NFRKB: variants seen among roughly 807,000 people sequenced by gnomAD.
The protein encoded by NFRKB is nuclear factor related to kappaB binding protein.
NFRKB carries 62 observed loss-of-function variants against 135.7 expected under a neutral mutation model. That is an observed-to-expected ratio of 0.46 (90% CI 0.37 to 0.56). NFRKB has a LOEUF of 0.56. NFRKB is among the 20% of genes least tolerant of loss of function. The pLI, the probability that NFRKB is intolerant of heterozygous loss-of-function variation, is 0.00. For missense variants in NFRKB, 1,545 were observed against 1,662.0 expected (o/e 0.93, Z 1.22); for synonymous variants, 678 against 635.6 (o/e 1.07, Z -1.00).
At position 129,876,900 on chromosome 11, in the gene NFRKB, C is replaced by A. The variant is rs1252387306; in HGVS notation, c.1573-5G>T. Reference sequence around the variant, plus strand: ...TTGGCTATACCTGTAACGCTCCTACCAAGAGACAAGGGACAAGAGTTCTAG... The same window carrying A: ...TTGGCTATACCTGTAACGCTCCTACAAAGAGACAAGGGACAAGAGTTCTAG... On this transcript the variant is annotated splice_polypyrimidine_tract_variant and splice_region_variant and intron_variant, in intron 16 of 26. Coordinates refer to ENST00000682444, the MANE Select transcript of NFRKB (RefSeq NM_001143835.2). 2 of 1,612,518 alleles carry A rather than the reference C, an allele frequency of 1.2e-6. No individual in the cohort carries two copies. Among genetic ancestry groups the A allele is most frequent in the Non-Finnish European group, 8.5e-7 (1 of 1,179,244 alleles).
intron 15 of NFRKB, 54 bp from the exon 16 acceptor site, chr11:129,877,439 C>G: frequency 6.7e-7 from 1 of 1,491,464 alleles, no homozygotes; most frequent in Non-Finnish European, 9.4e-7. Flanking sequence ...TGTGTCAGAC[C>G]CATTGCCCCT....
rs781016529 is a variant in NFRKB, at chr11:129,876,739, C to T, written c.1729G>A (p.Val577Ile). ...SLLRSDRPAYVTILSLVRDAA... is the reference protein window; with the variant it reads ...SLLRSDRPAYITILSLVRDAA... ...CACCTACCAAGAGACAGAATGGTGACGTAGGCAGGCCGGTCGGAGCGCAGC... is the reference window on the plus strand; with the variant it reads ...CACCTACCAAGAGACAGAATGGTGATGTAGGCAGGCCGGTCGGAGCGCAGC... The change falls in exon 17 of 27, where the codon GTC becomes ATC. Residue 577 changes from valine (V) to isoleucine (I), a missense_variant. Around this residue, in one of 3 missense-constraint regions of NFRKB, gnomAD observed 114 missense variants for 211.0 expected, o/e 0.54. Transcript: ENST00000682444. 1.9e-6 allele frequency: 3 copies of T among 1,613,314 alleles called. No homozygotes were observed. The highest frequency in any genetic ancestry group is 1.1e-5 in the South Asian group (1 of 91,002).
intron 13 of NFRKB, 26 bp from the exon 14 acceptor site, chr11:129,878,569 AAAT>A: frequency 6.3e-7 from 1 of 1,580,504 alleles, no homozygotes; most frequent in Non-Finnish European, 8.7e-7. Flanking sequence ...AGAGATAAAA[AAAT>A]AAGAAGGTCT....
chr11:129,878,503 G>A lies in NFRKB; in HGVS notation c.1425C>T (p.Phe475=), dbSNP rs747217802. Residue 475 remains phenylalanine, a synonymous_variant, in exon 14 of 27, where the codon TTC becomes TTT. Transcript: ENST00000682444. ...QDNEKELAAL[F]QLWLETKDQA... ...GATCTTTGGTCTCTAGCCATAGCTG[G>A]AAGAGGGCAGCTAATTCCTTTTCAT... 1.9e-6 allele frequency: 3 copies of A among 1,614,066 alleles called. No individual in the cohort carries two copies. In the African/African-American group the frequency reaches 4.0e-5, roughly 22 times the overall value.
At chr11:129,894,675 CT>C (rs1949696936) in intron 1 of NFRKB, among the ~76,000 whole-genome samples, 2 of 152,190 alleles carry the variant, frequency 1.3e-5, no homozygotes, top group South Asian at 4.1e-4. Context: ...ACTGTGCCCC[CT>C]CATCACCCTT....
chr11:129,875,527 C>T (rs1948720946), intron 17 of NFRKB, 64 bp from the exon 18 acceptor site: 2 of 1,308,694 alleles, frequency 1.5e-6, no homozygotes, highest in Non-Finnish European at 2.1e-6. Context: ...GTACAATCTC[C>T]TGTACCTGCA....
At position 129,864,454 on chromosome 11, in the gene NFRKB, A is replaced by C. The variant is rs544071616; in HGVS notation, c.*271T>G. On this transcript the variant is annotated 3_prime_UTR_variant, in exon 27 of 27. Coordinates refer to ENST00000682444, the MANE Select transcript of NFRKB (RefSeq NM_001143835.2). Reference sequence around the variant, plus strand: ...TACTCTCAGAACTCTGGCTTGTTGGACGTAACTGGTAATTCCTGCAATTTC... The same window carrying C: ...TACTCTCAGAACTCTGGCTTGTTGGCCGTAACTGGTAATTCCTGCAATTTC... 4.6e-5 allele frequency: 18 copies of C among 392,314 alleles called. No homozygotes were observed. Among genetic ancestry groups the C allele is most frequent in the Non-Finnish European group, 8.5e-5 (18 of 211,188 alleles). 24.3% of individuals were successfully genotyped at this position (392,314 alleles called of 1,614,324 possible).
chr11:129,890,376 TAC>T (rs1949502507), intron 3 of NFRKB, among the ~76,000 whole-genome samples: 1 of 152,178 alleles, frequency 6.6e-6, no homozygotes, highest in African/African-American at 2.4e-5. Flanking sequence ...GTTTGCTGAC[TAC>T]ATGAGTAACA....
chr11:129,885,624 G>A lies in NFRKB; in HGVS notation c.466-15C>T. The A allele has an allele frequency of 1.3e-6, 2 of 1,596,576 alleles. No homozygotes were observed. The highest frequency in any genetic ancestry group is 1.7e-6 in the Non-Finnish European group (2 of 1,167,928). ...TCCAGCAGATCCTAGGTAGAGATCA[G>A]GTGGGGGTACAAGTCATCATCCAAG... is the stretch of plus-strand genomic sequence containing the variant. On this transcript the variant is annotated splice_polypyrimidine_tract_variant and intron_variant, in intron 5 of 26. Transcript: ENST00000682444.
In NFRKB at chr11:129,869,915, G is replaced by A. The variant is rs143136179; in HGVS notation, c.3110C>T (p.Thr1037Ile). The A allele has an allele frequency of 1.9e-6, 3 of 1,614,160 alleles. No individual in the cohort carries two copies. The highest frequency in any genetic ancestry group is 2.7e-5 in the African/African-American group (2 of 74,964). ...SSASAPSSTP[T>I]GTTVVKVTPD... ...AGTCACTTTGACCACAGTGGTACCT[G>A]TTGGAGTGGATGAAGGGGCACTGGC... Residue 1037 changes from threonine to isoleucine, a missense_variant, in exon 24 of 27, where the codon ACA becomes ATA. This residue lies in a region of NFRKB where 753 missense variants were observed against 804.3 expected (regional missense o/e 0.94). Transcript: ENST00000682444.
chr11:129,873,285 G>T (rs1215450420), intron 22 of NFRKB, among the ~76,000 whole-genome samples, 189 bp from the exon 23 acceptor site: 1 of 152,192 alleles, frequency 6.6e-6, no homozygotes, highest in Non-Finnish European at 1.5e-5. Flanking sequence ...TTAATTTTCA[G>T]AATTTTACAT....
rs1949104920 is a variant in NFRKB at position 129,883,054 on chromosome 11, A to T, written c.901+68T>A. 2.1e-6 allele frequency: 3 copies of T among 1,426,150 alleles called. No individual in the cohort carries two copies. The African/African-American group carries it at 4.3e-5, about 20-fold the overall frequency. 88.3% of individuals were successfully genotyped at this position (1,426,150 alleles called of 1,614,324 possible). On this transcript the variant is annotated intron_variant, in intron 9 of 26. Transcript: ENST00000682444. The stretch of plus-strand genomic sequence containing the variant: ...GGCCATGGTTTCATTTATTTTTGCC[A>T]TGTTATGGGCTCACGCAACTTAACA...
chr11:129,881,717 A>G lies in NFRKB; in HGVS notation c.1318+10T>C. On this transcript the variant is annotated intron_variant, in intron 12 of 26. Transcript: ENST00000682444. ...GAAAAATACTGACCCTACAAAAAAG[A>G]GCATCTTACCTCGACTTTCTCCAGC... is the stretch of plus-strand genomic sequence containing the variant. 1 of 1,613,758 alleles carries G rather than the reference A, an allele frequency of 6.2e-7. No individual in the cohort carries two copies.
At chr11:129,876,615 G>T in intron 17 of NFRKB, 106 bp downstream of exon 17, 2 of 1,287,582 alleles carry the variant, frequency 1.6e-6, no homozygotes, top group Non-Finnish European at 2.1e-6. Flanking sequence ...TGTTCTCAAA[G>T]CCTACCCTGG....
At chr11:129,893,388 A>AT (rs1949644570) in intron 2 of NFRKB, 1 of 306,206 alleles carries the variant, frequency 3.3e-6, no homozygotes, top group Non-Finnish European at 6.2e-6. Context: ...CCCCTTCTCT[A>AT]CAAAAAAAAA....
Position 129,869,857 on chromosome 11 carries a change from C to T in NFRKB, c.3168G>A (p.Ser1056=), listed in dbSNP as rs1328843609. The T allele has an allele frequency of 4.3e-6, 7 of 1,614,246 alleles. No homozygotes were observed. Among genetic ancestry groups the T allele is most frequent in the East Asian group, 2.2e-5 (1 of 44,884 alleles). Residue 1056 remains serine, a synonymous_variant, in exon 24 of 27, where the codon TCG becomes TCA. Transcript: ENST00000682444. ...CAAGAGCTGGCATCAAGCGAAAAGC[C>T]GAACTTGAGGCTTCTGTTGGCTTGA... The part of the protein sequence containing the change: ...PDLKPTEASS[S]AFRLMPALGV...
chr11:129,888,495 T>C lies in NFRKB; in HGVS notation c.337+99A>G, dbSNP rs1949387084. 14 of 1,209,770 alleles carry C rather than the reference T, an allele frequency of 1.2e-5. No homozygotes were observed. In the Middle Eastern group the frequency reaches 7.6e-4, roughly 66 times the overall value. 74.9% of individuals were successfully genotyped at this position (1,209,770 alleles called of 1,614,324 possible). A position where few individuals can be genotyped will look rare whatever the true frequency, so the allele number is the denominator to read the frequency against. ...TCTTTGCTGCCTCAGTATCTGTACA[T>C]GAAGATAAAAAGAAGAAAAGGAAGA... On this transcript the variant is annotated intron_variant, in intron 4 of 26. Transcript: ENST00000682444.
Position 129,864,740 on chromosome 11 carries a change from T to C in NFRKB, c.3885A>G (p.Ala1295=), listed in dbSNP as rs765268047. The C allele has an allele frequency of 6.2e-7, 1 of 1,614,174 alleles. No individual in the cohort carries two copies. Among genetic ancestry groups the C allele is most frequent in the South Asian group, 1.1e-5 (1 of 91,078 alleles). Residue 1295 remains alanine, a synonymous_variant, in exon 27 of 27, where the codon GCA becomes GCG. Transcript: ENST00000682444. Reference sequence around the variant, plus strand: ...TCTCTCATAATCATTGTTGCTCAGGTGCCTGTTTAGGAGACGGAGCTGTAG... The same window carrying C: ...TCTCTCATAATCATTGTTGCTCAGGCGCCTGTTTAGGAGACGGAGCTGTAG... ...VVTTAPSPKQ[A]PEQQ
chr11:129,870,373 CTTT>C (rs1197820980), intron 23 of NFRKB, 112 bp from the exon 24 acceptor site: 18 of 1,275,296 alleles, frequency 1.4e-5, no homozygotes, highest in Admixed American at 2.4e-5. Context: ...TTTTTTTTAA[CTTT>C]TTATTTTGCA....
Sources: allele counts gnomAD v4.1 joint callset (sites outside exome capture counted in the v4.1 genomes callset), GRCh38; gene constraint gnomAD v4.1.1; regional missense constraint gnomAD v4.1.1; transcripts MANE v1.5; gene names NCBI Gene and HGNC (gene_info 2026-07-23, HGNC 2026-07-21).